STXBP5L: variants seen among roughly 807,000 people sequenced by gnomAD.
STXBP5L encodes syntaxin-binding protein 5-like.
A neutral mutation model predicts 144.5 loss-of-function variants in STXBP5L; 65 were observed. The observed-to-expected ratio is 0.45, with a 90% confidence interval of 0.37 to 0.55. The LOEUF is 0.55. STXBP5L is among the 20% of genes least tolerant of loss of function. The probability of loss-of-function intolerance (pLI) is 0.00; values close to 1 mark genes in which losing one functional copy is unlikely to be tolerated. For synonymous variants in STXBP5L, 505 were observed against 469.6 expected, an observed-to-expected ratio of 1.08 and a Z score of -0.97; for missense variants, 1,298 against 1,405.5, an observed-to-expected ratio of 0.92 and a Z score of 1.22.
intron 5 of STXBP5L, among the ~76,000 whole-genome samples, chr3:121,091,571 T>A (rs1049547940): frequency 1.3e-5 from 2 of 152,220 alleles, no homozygotes; most frequent in Admixed American, 6.5e-5. Flanking sequence ...GCTGCATAAA[T>A]GTCTTCTTTT....
At chr3:120,953,410 C>A (rs557096370) in intron 2 of STXBP5L, among the ~76,000 whole-genome samples, 1 of 141,058 alleles carries the variant, frequency 7.1e-6, no homozygotes, top group Admixed American at 7.3e-5. Context: ...CTCACTGCAG[C>A]TTCAACCTCC....
intron 5 of STXBP5L, among the ~76,000 whole-genome samples, chr3:121,054,670 C>T (rs1308538582): frequency 6.6e-6 from 1 of 151,674 alleles, no homozygotes; most frequent in African/African-American, 2.4e-5. Context: ...AGCACACCAA[C>T]ATGGCATATG....
chr3:121,118,948 A>G (rs983347267), intron 6 of STXBP5L, among the ~76,000 whole-genome samples: 10 of 151,584 alleles, frequency 6.6e-5, no homozygotes, highest in Admixed American at 2.0e-4. Context: ...ATAGAAGAAT[A>G]GCAAGAGGTG....
At chr3:121,238,923 G>A in intron 12 of STXBP5L, 48 bp from the exon 13 acceptor site, 5 of 1,455,500 alleles carry the variant, frequency 3.4e-6, no homozygotes, top group Non-Finnish European at 3.7e-6. Context: ...ATTATTTTCT[G>A]TTTTTTTCTT....
intron 9 of STXBP5L, among the ~76,000 whole-genome samples, chr3:121,191,653 A>G (rs1159993983): frequency 2.0e-5 from 3 of 152,106 alleles, no homozygotes; most frequent in African/African-American, 7.2e-5. Flanking sequence ...GATTCTTCCT[A>G]TCCGTGAGCA....
intron 10 of STXBP5L, among the ~76,000 whole-genome samples, chr3:121,218,193 A>G (rs1371163353): frequency 7.0e-6 from 1 of 142,580 alleles, no homozygotes; most frequent in Non-Finnish European, 1.5e-5. Flanking sequence ...ATGATATAGT[A>G]TATATATTAC....
At chr3:120,969,513 C>A (rs902572775) in intron 3 of STXBP5L, among the ~76,000 whole-genome samples, 1 of 150,294 alleles carries the variant, frequency 6.7e-6, no homozygotes, top group Admixed American at 6.7e-5. Context: ...TGTCTGTTTG[C>A]TGATTATTTC....
At chr3:120,911,439 A>C (rs1485060305) in intron 2 of STXBP5L, among the ~76,000 whole-genome samples, 1 of 152,088 alleles carries the variant, frequency 6.6e-6, no homozygotes, top group African/African-American at 2.4e-5. Flanking sequence ...TGACAGCCAT[A>C]TACTCTTGGG....
At chr3:121,334,936 T>C (rs1327991434) in intron 20 of STXBP5L, among the ~76,000 whole-genome samples, 1 of 151,978 alleles carries the variant, frequency 6.6e-6, no homozygotes, top group Admixed American at 6.6e-5. Flanking sequence ...TTTAACAGAG[T>C]ATTGGAAGCC....
intron 19 of STXBP5L, among the ~76,000 whole-genome samples, chr3:121,299,333 T>C (rs1359859134): frequency 6.6e-6 from 1 of 152,124 alleles, no homozygotes; most frequent in Non-Finnish European, 1.5e-5. Flanking sequence ...AGGATAAAGG[T>C]TTCATATTCT....
At position 120,931,207 on chromosome 3, in the gene STXBP5L, G is replaced by T. The variant is rs542948876; in HGVS notation, c.189+21440G>T. On this transcript the variant is annotated intron_variant, in intron 2 of 26. Coordinates refer to ENST00000471454, the MANE Select transcript of STXBP5L (RefSeq NM_001308330.2). ...ACAAAGTTCAAAGAAACACGAATTA[G>T]ATATTGTCAGAAAGTGGGGTAATTC... Among the ~76,000 whole-genome samples the T allele has an allele frequency of 1.5e-3, 234 of 151,836 alleles. 2 individuals are homozygous for T. The highest frequency in any genetic ancestry group is 2.3e-3 in the Non-Finnish European group (154 of 67,980).
At chr3:121,057,978 T>G (rs1057414994) in intron 5 of STXBP5L, among the ~76,000 whole-genome samples, 1 of 152,082 alleles carries the variant, frequency 6.6e-6, no homozygotes, top group African/African-American at 2.4e-5. Context: ...TGTTGTTTTT[T>G]AAAAATTTTT....
chr3:121,109,886 G>C (rs1036578455), intron 5 of STXBP5L, among the ~76,000 whole-genome samples: 2 of 152,074 alleles, frequency 1.3e-5, no homozygotes, highest in African/African-American at 4.8e-5. Flanking sequence ...TATAAATTTC[G>C]TTGCTCTTGA....
intron 7 of STXBP5L, among the ~76,000 whole-genome samples, chr3:121,141,230 C>G (rs752700767): frequency 1.3e-5 from 2 of 151,954 alleles, no homozygotes; most frequent in Non-Finnish European, 2.9e-5. Flanking sequence ...ACGGAGAAAC[C>G]CTGTGTCTAC....
chr3:121,025,185 G>A (rs988798774), intron 3 of STXBP5L, among the ~76,000 whole-genome samples: 42 of 152,126 alleles, frequency 2.8e-4, no homozygotes, highest in African/African-American at 9.7e-4. Context: ...TTTAAAGGGA[G>A]TTTTGGTGGT....
chr3:121,184,604 G>A (rs1251166676), intron 9 of STXBP5L, among the ~76,000 whole-genome samples: 3 of 152,110 alleles, frequency 2.0e-5, no homozygotes, highest in African/African-American at 4.8e-5. Flanking sequence ...GTACCTGAAA[G>A]TGATGGGGAG....
intron 20 of STXBP5L, among the ~76,000 whole-genome samples, chr3:121,333,099 C>A (rs2044379805): frequency 6.6e-6 from 1 of 152,042 alleles, no homozygotes; most frequent in Admixed American, 6.6e-5. Flanking sequence ...AATCTTGAAA[C>A]CAAAGGTCAA....
chr3:121,391,467 G>T (rs2046582534), intron 22 of STXBP5L, among the ~76,000 whole-genome samples: 1 of 152,144 alleles, frequency 6.6e-6, no homozygotes, highest in Admixed American at 6.5e-5. Context: ...GAGAAGAGGG[G>T]CTCTGATTTT....
At chr3:120,925,465 C>A (rs888468575) in intron 2 of STXBP5L, among the ~76,000 whole-genome samples, 1 of 152,132 alleles carries the variant, frequency 6.6e-6, no homozygotes, top group Admixed American at 6.5e-5. Context: ...TTCATCTGAT[C>A]TACATATAGC....
Sources: allele counts gnomAD v4.1 joint callset (sites outside exome capture counted in the v4.1 genomes callset), GRCh38; gene constraint gnomAD v4.1.1; transcripts MANE v1.5; gene names NCBI Gene and HGNC (gene_info 2026-07-23, HGNC 2026-07-21).